Variants in TTC7A observed in about 807,000 individuals in gnomAD.
TTC7A encodes tetratricopeptide repeat domain 7A, also known as tetratricopeptide repeat protein 7A.
Under a neutral mutation model 103.7 loss-of-function variants are expected in TTC7A, and 110 were observed. The observed-to-expected ratio is 1.06, with a 90% CI of 0.91 to 1.24. The LOEUF is 1.24. Among genes scored for constraint, TTC7A ranks in the 50% most tolerant of loss-of-function variants. TTC7A has a pLI of 0.00. For missense variants in TTC7A, 1,340 were observed against 1,116.3 expected (o/e 1.20, Z -2.86); for synonymous variants, 521 against 467.9 (o/e 1.11, Z -1.47).
chr2:46,927,220 A>C (rs1447086674), intron 2 of TTC7A, among the ~76,000 whole-genome samples: 1 of 152,156 alleles, frequency 6.6e-6, no homozygotes, highest in East Asian at 1.9e-4. Context: ...AACCAATGAA[A>C]GATTACAAGA....
rs548955899 is a variant in TTC7A at position 47,003,881 on chromosome 2, G to A, written c.1066-2041G>A. On this transcript the variant is annotated intron_variant, in intron 8 of 19. Coordinates refer to ENST00000319190, the MANE Select transcript of TTC7A (RefSeq NM_020458.4). ...CAGAGCTGGGGAGCTGCTGGAGGTG[G>A]TGGAGTGGGTCAGTACATCGCCGGG... is the stretch of plus-strand genomic sequence containing the variant. 3.3e-5 allele frequency among the ~76,000 whole-genome samples: 5 copies of A among 152,340 alleles called. No homozygotes were observed. In the East Asian group the frequency reaches 9.7e-4, roughly 29 times the overall value.
chr2:47,038,637 ACCCTCCCCC>A (rs1681405465), intron 15 of TTC7A, among the ~76,000 whole-genome samples: 1 of 51,228 alleles, frequency 2.0e-5, no homozygotes, highest in Non-Finnish European at 3.6e-5. Flanking sequence ...CTTCCCACCC[ACCCTCCCCC>A]CACCCACCCC....
intron 5 of TTC7A, among the ~76,000 whole-genome samples, chr2:46,989,470 C>T (rs1028791693): frequency 1.3e-5 from 2 of 152,230 alleles, no homozygotes; most frequent in Non-Finnish European, 2.9e-5. Context: ...TGCTCAGGCT[C>T]ATGGCCATCT....
intron 3 of TTC7A, among the ~76,000 whole-genome samples, chr2:46,971,867 C>G (rs1178225396): frequency 6.6e-6 from 1 of 151,194 alleles, no homozygotes; most frequent in Non-Finnish European, 1.5e-5. Flanking sequence ...CCGTTGGGAA[C>G]CAATAGTTCA....
intron 15 of TTC7A, among the ~76,000 whole-genome samples, chr2:47,040,895 G>A (rs1265296961): frequency 6.6e-6 from 1 of 152,208 alleles, no homozygotes; most frequent in African/African-American, 2.4e-5. Flanking sequence ...TATTCACTTT[G>A]AGTAACGACA....
chr2:46,978,410 A>T (rs1460388746), intron 4 of TTC7A, among the ~76,000 whole-genome samples: 1 of 152,172 alleles, frequency 6.6e-6, no homozygotes, highest in Non-Finnish European at 1.5e-5. Flanking sequence ...GAGCTAATGA[A>T]TTTAAAGCTC....
At chr2:47,013,092 T>A (rs1678254092) in intron 11 of TTC7A, among the ~76,000 whole-genome samples, 1 of 151,998 alleles carries the variant, frequency 6.6e-6, no homozygotes, top group Non-Finnish European at 1.5e-5. Flanking sequence ...AAACAGTAAG[T>A]CTCCTCGGGT....
intron 19 of TTC7A, among the ~76,000 whole-genome samples, chr2:47,065,388 TGGAGTCTCTGG>T (rs1684103317): frequency 1.3e-5 from 2 of 152,212 alleles, no homozygotes; most frequent in Non-Finnish European, 2.9e-5. Context: ...AAAAAGGACT[TGGAGTCTCTGG>T]GGATGGCAAA....
At chr2:46,921,221 G>A (rs1466200924) in intron 2 of TTC7A, among the ~76,000 whole-genome samples, 1 of 152,146 alleles carries the variant, frequency 6.6e-6, no homozygotes, top group African/African-American at 2.4e-5. Flanking sequence ...GGAAGAAAAA[G>A]TAAAAGTATC....
At chr2:46,952,235 G>A (rs1012761572) in intron 2 of TTC7A, among the ~76,000 whole-genome samples, 37 of 152,122 alleles carry the variant, frequency 2.4e-4, no homozygotes, top group Non-Finnish European at 4.0e-4. Context: ...GCCTGACCCT[G>A]AGCATGCTTG....
At chr2:47,010,979 C>T (rs963619361) in intron 10 of TTC7A, among the ~76,000 whole-genome samples, 14 of 152,162 alleles carry the variant, frequency 9.2e-5, no homozygotes, top group Admixed American at 2.6e-4. Context: ...GGATTGCAGG[C>T]GTGAGCCACC....
intron 11 of TTC7A, among the ~76,000 whole-genome samples, chr2:47,015,412 A>G (rs1678533358): frequency 6.6e-6 from 1 of 152,222 alleles, no homozygotes; most frequent in South Asian, 2.1e-4. Flanking sequence ...CTCTGATGCC[A>G]TCTCTCACCT....
rs1670331543 is a variant in TTC7A at position 46,941,244 on chromosome 2, G to C, written c.-298G>C. 6.6e-6 allele frequency: 1 copy of C among 150,540 alleles called. No individual in the cohort carries two copies. The allele number at this position is 150,540 out of a possible 1,614,324, so 9.3% of individuals were successfully genotyped here. ...AGGCTGTGGCAGCAGCTGCAGCGGC[G>C]GCGGCGGCGGCAGCGCCAGGAGCTG... is the stretch of plus-strand genomic sequence containing the variant. On this transcript the variant is annotated 5_prime_UTR_variant, in exon 1 of 20. Transcript: ENST00000319190. This position sits in a 1 kb window ranked among gnomAD's most constrained non-coding sequence, Gnocchi z 4.2.
intron 5 of TTC7A, among the ~76,000 whole-genome samples, chr2:46,986,262 G>GCAGGTGTT (rs1674996911): frequency 2.0e-5 from 3 of 152,192 alleles, no homozygotes; most frequent in Admixed American, 6.5e-5. Flanking sequence ...TGTTTGGGAA[G>GCAGGTGTT]CAGGGAGAAA....
In TTC7A at chr2:46,941,798, C is replaced by A; in HGVS notation, c.184+73C>A. ...CACCGCCTCCTCCAGGAAGCGCGCC[C>A]AGACAGTCCTCGGCCGACAGCGGGC... is the stretch of plus-strand genomic sequence containing the variant. On this transcript the variant is annotated intron_variant, in intron 1 of 19. Transcript: ENST00000319190. This position sits in a 1 kb window ranked among gnomAD's most constrained non-coding sequence, Gnocchi z 4.2. The A allele has an allele frequency of 6.5e-7, 1 of 1,533,082 alleles. No homozygotes were observed. Among genetic ancestry groups the A allele is most frequent in the South Asian group, 1.2e-5 (1 of 82,856 alleles). 95.0% of individuals were successfully genotyped at this position (1,533,082 alleles called of 1,614,324 possible).
chr2:46,939,742 C>T (rs142751547), upstream of TTC7A, among the ~76,000 whole-genome samples: 389 of 152,336 alleles, frequency 2.6e-3, 1 homozygote, highest in Non-Finnish European at 4.2e-3. Context: ...TCTCGGGTCA[C>T]CCTAATCCAA....
chr2:47,013,439 G>A (rs1678291352), intron 11 of TTC7A, among the ~76,000 whole-genome samples: 1 of 152,108 alleles, frequency 6.6e-6, no homozygotes, highest in Non-Finnish European at 1.5e-5. Context: ...AACTCAGGCC[G>A]CTGCTTGCTC....
chr2:47,022,085 C>G, intron 12 of TTC7A, 106 bp downstream of exon 12: 1 of 728,618 alleles, frequency 1.4e-6, no homozygotes, highest in Non-Finnish European at 2.3e-6. Context: ...GGCCATGCCT[C>G]CATAGACACC....
At chr2:47,072,209 G>A (rs957265326) in intron 19 of TTC7A, among the ~76,000 whole-genome samples, 9 of 152,286 alleles carry the variant, frequency 5.9e-5, no homozygotes, top group South Asian at 4.1e-4. Flanking sequence ...TGGCGAGAGC[G>A]TAAGACCCTG....
Sources: allele counts gnomAD v4.1 joint callset (sites outside exome capture counted in the v4.1 genomes callset), GRCh38; gene constraint gnomAD v4.1.1; non-coding constraint Gnocchi (gnomAD v3.1); transcripts MANE v1.5; gene names NCBI Gene and HGNC (gene_info 2026-07-23, HGNC 2026-07-21).